The following PPP3CC variants were observed in gnomAD, a reference collection of about 807,000 sequenced individuals.
The protein encoded by PPP3CC is serine/threonine-protein phosphatase 2B catalytic subunit gamma isoform.
A neutral mutation model predicts 60.3 loss-of-function variants in PPP3CC; 35 were observed. That is an observed-to-expected ratio of 0.58 (90% CI 0.44 to 0.77). The LOEUF is 0.77. Among genes scored for constraint, PPP3CC ranks in the 30% least tolerant of loss-of-function variants. The pLI is 0.00. For synonymous variants in PPP3CC, 206 were observed against 224.3 expected, an observed-to-expected ratio of 0.92 and a Z score of 0.73; for missense variants, 570 against 628.9, an observed-to-expected ratio of 0.91 and a Z score of 1.00.
chr8:22,492,990 G>T (rs1586830267), intron 3 of PPP3CC: 13 of 1,279,826 alleles, frequency 1.0e-5, no homozygotes, highest in Non-Finnish European at 1.4e-5. Context: ...CAAACAGTCT[G>T]TGAATGGAAA....
intron 4 of PPP3CC, among the ~76,000 whole-genome samples, chr8:22,500,424 GATT>G (rs1254718359): frequency 6.6e-6 from 1 of 151,840 alleles, no homozygotes; most frequent in African/African-American, 2.4e-5. Flanking sequence ...TTTTTCTGCA[GATT>G]ATTATCTTAG....
At chr8:22,467,868 A>T (rs1837593911) in intron 1 of PPP3CC, among the ~76,000 whole-genome samples, 1 of 152,204 alleles carries the variant, frequency 6.6e-6, no homozygotes, top group Non-Finnish European at 1.5e-5. Flanking sequence ...TCTTCCTTAT[A>T]AGTGGCACCT....
intron 10 of PPP3CC, among the ~76,000 whole-genome samples, chr8:22,529,545 G>A (rs1374468958): frequency 1.3e-5 from 2 of 152,024 alleles, no homozygotes; most frequent in Non-Finnish European, 2.9e-5. Context: ...GTGCAGTGGC[G>A]CGATCTCTGC....
chr8:22,449,484 A>C (rs1304984910), intron 1 of PPP3CC, among the ~76,000 whole-genome samples: 2 of 151,610 alleles, frequency 1.3e-5, no homozygotes, highest in Non-Finnish European at 2.9e-5. Flanking sequence ...GAAATGCCTC[A>C]AAACAGCTAC....
intron 10 of PPP3CC, among the ~76,000 whole-genome samples, chr8:22,528,849 A>G (rs1839630074): frequency 6.6e-6 from 1 of 152,104 alleles, no homozygotes; most frequent in Non-Finnish European, 1.5e-5. Context: ...GTAGTACACT[A>G]TTTTTGTGGA....
chr8:22,476,786 G>A lies in PPP3CC; in HGVS notation c.372+1162G>A, dbSNP rs1837900458. 3.3e-5 allele frequency among the ~76,000 whole-genome samples: 5 copies of A among 152,082 alleles called. No individual in the cohort carries two copies. In the South Asian group the frequency reaches 1.0e-3, roughly 32 times the overall value. ...TCTCTACTAAAAATACAAAAAATTA[G>A]CCGGGTGTGTAGGCAGGCACCTGTA... On this transcript the variant is annotated intron_variant, in intron 3 of 13. Coordinates refer to ENST00000240139, the MANE Select transcript of PPP3CC (RefSeq NM_005605.5).
At chr8:22,441,507 C>T (rs887326049) in intron 1 of PPP3CC, 49 bp downstream of exon 1, 25 of 1,493,438 alleles carry the variant, frequency 1.7e-5, no homozygotes, top group Non-Finnish European at 2.1e-5. Flanking sequence ...AAACGGCCTT[C>T]GGCTGGGCGG....
In PPP3CC at chr8:22,541,081, A is replaced by T. The variant is rs1477233396; in HGVS notation, c.*279A>T. ...CAACACATTTGTGAAGTCTTGTGCT[A>T]TAAAGGGGAACTTCCCCTAATAAAA... On this transcript the variant is annotated 3_prime_UTR_variant, in exon 14 of 14. Coordinates refer to ENST00000240139, the MANE Select transcript of PPP3CC (RefSeq NM_005605.5). 4.8e-6 allele frequency: 1 copy of T among 209,064 alleles called. No individual in the cohort carries two copies. The highest frequency in any genetic ancestry group is 9.4e-6 in the Non-Finnish European group (1 of 106,454). The allele number at this position is 209,064 out of a possible 1,614,324, so 13.0% of individuals were successfully genotyped here. A position where few individuals can be genotyped will look rare whatever the true frequency, so the allele number is the denominator to read the frequency against.
At chr8:22,537,738 A>G (rs1238679334) in intron 12 of PPP3CC, among the ~76,000 whole-genome samples, 1 of 152,250 alleles carries the variant, frequency 6.6e-6, no homozygotes, top group Non-Finnish European at 1.5e-5. Context: ...AAATGCAGGT[A>G]TACATGTCAA....
chr8:22,531,458 A>G (rs1839714325), intron 10 of PPP3CC: 2 of 939,048 alleles, frequency 2.1e-6, no homozygotes, highest in East Asian at 2.7e-5. Context: ...GTTTTAATGT[A>G]TATGTTTTCT....
intron 3 of PPP3CC, among the ~76,000 whole-genome samples, chr8:22,492,162 G>A (rs1838424029): frequency 6.6e-6 from 1 of 151,970 alleles, no homozygotes; most frequent in Non-Finnish European, 1.5e-5. Context: ...GCATGTTATT[G>A]TGCTGAATAC....
chr8:22,481,776 A>G (rs1232935202), intron 3 of PPP3CC, among the ~76,000 whole-genome samples: 1 of 152,012 alleles, frequency 6.6e-6, no homozygotes, highest in Admixed American at 6.6e-5. Flanking sequence ...ATGAGTGAGA[A>G]CATGTGGTGT....
intron 1 of PPP3CC, among the ~76,000 whole-genome samples, chr8:22,450,463 C>A (rs573521222): frequency 1.3e-5 from 2 of 152,312 alleles, no homozygotes; most frequent in South Asian, 2.1e-4. Flanking sequence ...TCAGGCCAGA[C>A]TCTTTCTTCT....
At chr8:22,535,490 C>A (rs989303240) in intron 12 of PPP3CC, among the ~76,000 whole-genome samples, 3 of 152,068 alleles carry the variant, frequency 2.0e-5, no homozygotes, top group African/African-American at 4.8e-5. Flanking sequence ...GTTCATCTGG[C>A]CTTTTTTCTT....
In PPP3CC at chr8:22,539,516, T is replaced by C; in HGVS notation, c.1351+18T>C. 1 of 1,611,638 alleles carries C rather than the reference T, an allele frequency of 6.2e-7. No homozygotes were observed. Among genetic ancestry groups the C allele is most frequent in the Non-Finnish European group, 8.5e-7 (1 of 1,178,584 alleles). On this transcript the variant is annotated intron_variant, in intron 13 of 13. Transcript: ENST00000240139. ...CCGGGAAGGTATGGCCATATTACTC[T>C]GATAGATGTGATCCATGTGTCTGTG...
At chr8:22,532,055 C>G (rs548045058) in intron 10 of PPP3CC, among the ~76,000 whole-genome samples, 170 bp from the exon 11 acceptor site, 2 of 152,252 alleles carry the variant, frequency 1.3e-5, no homozygotes, top group South Asian at 4.1e-4. Context: ...CATTTTTTCT[C>G]TTGCTCCTTA....
chr8:22,539,757 G>A (rs918235779), intron 13 of PPP3CC, among the ~76,000 whole-genome samples: 13 of 152,242 alleles, frequency 8.5e-5, no homozygotes, highest in Non-Finnish European at 1.8e-4. Context: ...AGAAGCTTAA[G>A]CAACTGGTCA....
At chr8:22,448,400 A>G (rs1363779737) in intron 1 of PPP3CC, among the ~76,000 whole-genome samples, 1 of 136,408 alleles carries the variant, frequency 7.3e-6, no homozygotes, top group African/African-American at 2.9e-5. Flanking sequence ...TTTTTTTGAG[A>G]TGGAGTTTCG....
intron 1 of PPP3CC, among the ~76,000 whole-genome samples, chr8:22,454,802 C>A (rs1837143527): frequency 6.6e-6 from 1 of 151,886 alleles, no homozygotes; most frequent in Admixed American, 6.6e-5. Context: ...GGCGCGGTGG[C>A]TCACGCCTGT....
Sources: gnomAD v4.1 joint callset for allele counts (sites outside exome capture counted in the v4.1 genomes callset) on GRCh38, gnomAD v4.1.1 for gene constraint, MANE v1.5 for transcripts, NCBI Gene and HGNC (gene_info 2026-07-23, HGNC 2026-07-21) for gene names.